The following ABCB1 variants were observed in gnomAD, a reference collection of about 807,000 sequenced individuals.
The protein encoded by ABCB1 is ATP binding cassette subfamily B member 1.
A neutral mutation model predicts 142.0 loss-of-function variants in ABCB1; 69 were observed. That is an observed-to-expected ratio of 0.49 (90% CI 0.40 to 0.59). ABCB1 has a LOEUF of 0.59. Ranked by LOEUF, ABCB1 falls within the 20% of genes least tolerant of loss-of-function variation. The pLI, the probability that ABCB1 is intolerant of heterozygous loss-of-function variation, is 0.00. For synonymous variants in ABCB1, 532 were observed against 539.2 expected (o/e 0.99, Z 0.18); for missense variants, 1,326 against 1,554.7 (o/e 0.85, Z 2.47).
chr7:87,638,671 A>G (rs1822091992), intron 1 of ABCB1, among the ~76,000 whole-genome samples: 1 of 151,722 alleles, frequency 6.6e-6, no homozygotes, highest in South Asian at 2.1e-4. Flanking sequence ...TATTGTTTGA[A>G]AGATCTGTAG....
chr7:87,530,838 C>CAAGAAAGAAAGAAAGAAAGA lies in ABCB1; in HGVS notation c.2685+436_2685+455dup, dbSNP rs1217650542. 4.6e-3 allele frequency among the ~76,000 whole-genome samples: 328 copies of CAAGAAAGAAAGAAAGAAAGA among 71,244 alleles called. 1 individual carries two copies. The highest frequency in any genetic ancestry group is 0.013 in the Middle Eastern group (2 of 160). 46.7% of individuals were successfully genotyped at this position (71,244 alleles called of 152,430 possible). On this transcript the variant is annotated intron_variant, in intron 21 of 27. Transcript: ENST00000622132. ...GCAAGAAAGCAAGAAAGCAAGAAAGCAAGAAAGAAAGAAAGAAAGAAAGAA... is the reference window on the plus strand; with the variant it reads ...GCAAGAAAGCAAGAAAGCAAGAAAGCAAGAAAGAAAGAAAGAAAGAAAGAAAGAAAGAAAGAAAGAAAGAA...
chr7:87,534,074 GACC>G (rs1443445112), intron 20 of ABCB1, among the ~76,000 whole-genome samples: 7 of 152,118 alleles, frequency 4.6e-5, no homozygotes, highest in Non-Finnish European at 1.0e-4. Context: ...GGGAAAAAGT[GACC>G]ACCAATTTTA....
chr7:87,661,257 AC>A (rs1824684995), intron 1 of ABCB1, among the ~76,000 whole-genome samples: 2 of 151,924 alleles, frequency 1.3e-5, no homozygotes, highest in African/African-American at 4.8e-5. Context: ...TTTTTGCATT[AC>A]AAACAATTCA....
chr7:87,607,922 T>C lies in ABCB1; in HGVS notation c.-330-6844A>G, dbSNP rs28381790. Among the ~76,000 whole-genome samples the C allele has an allele frequency of 8.6e-3, 1,304 of 152,300 alleles. 19 individuals are homozygous for C. The highest frequency in any genetic ancestry group is 0.03 in the African/African-American group (1,241 of 41,548). On this transcript the variant is annotated intron_variant, in intron 1 of 28. Coordinates refer to the ABCB1 transcript ENST00000265724. ...TATAAGGCAACTGTTTTGTTTTCAT[T>C]TTGTTTTTACAAACAGACTGAACTT...
At chr7:87,621,319 T>C (rs1340643309) in intron 1 of ABCB1, among the ~76,000 whole-genome samples, 2 of 152,094 alleles carry the variant, frequency 1.3e-5, no homozygotes, top group African/African-American at 4.8e-5. Flanking sequence ...GATAAATCAA[T>C]GGATGAAAAT....
intron 1 of ABCB1, among the ~76,000 whole-genome samples, chr7:87,663,002 G>A (rs556879781): frequency 2.0e-5 from 3 of 151,800 alleles, no homozygotes; most frequent in Admixed American, 1.3e-4. Flanking sequence ...TTTACTTATA[G>A]CAATTATAAA....
At chr7:87,689,975 G>T (rs1227923015) in intron 1 of ABCB1, among the ~76,000 whole-genome samples, 3 of 151,950 alleles carry the variant, frequency 2.0e-5, no homozygotes, top group African/African-American at 7.3e-5. Flanking sequence ...TTAAATAGCT[G>T]TCATAGATTT....
chr7:87,703,940 T>TTTTG (rs1829360784), intron 1 of ABCB1, among the ~76,000 whole-genome samples: 1 of 124,182 alleles, frequency 8.1e-6, no homozygotes, highest in Non-Finnish European at 1.7e-5. Flanking sequence ...TTTTTTTTTT[T>TTTTG]GAGACAGTCT....
At chr7:87,602,744 T>G (rs1463921656), upstream of ABCB1, among the ~76,000 whole-genome samples, 1 of 152,198 alleles carries the variant, frequency 6.6e-6, no homozygotes, top group East Asian at 1.9e-4. Flanking sequence ...AAAATAAGAT[T>G]CTACCATTCT....
intron 1 of ABCB1, among the ~76,000 whole-genome samples, chr7:87,696,014 T>C (rs1037015581): frequency 3.3e-5 from 5 of 152,174 alleles, no homozygotes; most frequent in African/African-American, 4.8e-5. Flanking sequence ...TAGCAAACTT[T>C]TCACCATTTG....
chr7:87,671,778 G>GACACTCTGAAA (rs1825846998), intron 1 of ABCB1, among the ~76,000 whole-genome samples: 1 of 152,186 alleles, frequency 6.6e-6, no homozygotes, highest in Admixed American at 6.5e-5. Context: ...GTCCACTTCA[G>GACACTCTGAAA]CCCCCGGTTG....
At chr7:87,603,803 G>A (rs115335154), upstream of ABCB1, among the ~76,000 whole-genome samples, 688 of 152,294 alleles carry the variant, frequency 4.5e-3, 5 homozygotes, top group African/African-American at 0.015. Flanking sequence ...ATTATGCATA[G>A]GTTTGAACGG....
At chr7:87,678,835 G>T (rs1030698631) in intron 1 of ABCB1, among the ~76,000 whole-genome samples, 1 of 152,076 alleles carries the variant, frequency 6.6e-6, no homozygotes, top group African/African-American at 2.4e-5. Flanking sequence ...GATAAAGTTG[G>T]ACATTTACAT....
At chr7:87,564,783 TG>T (rs1817719535) in intron 7 of ABCB1, among the ~76,000 whole-genome samples, 1 of 152,248 alleles carries the variant, frequency 6.6e-6, no homozygotes, top group Non-Finnish European at 1.5e-5. Flanking sequence ...ATAAATGGCA[TG>T]TGAAGCAATG....
chr7:87,520,199 C>T (rs1815434424), intron 22 of ABCB1, among the ~76,000 whole-genome samples: 1 of 150,944 alleles, frequency 6.6e-6, no homozygotes, highest in Non-Finnish European at 1.5e-5. Flanking sequence ...TTTTTTTAGA[C>T]AAAAAGGCTC....
intron 7 of ABCB1, among the ~76,000 whole-genome samples, chr7:87,564,919 TTCTAGTA>T (rs1817726467): frequency 6.6e-6 from 1 of 152,220 alleles, no homozygotes; most frequent in Admixed American, 6.5e-5. Context: ...TTGCTTAACA[TTCTAGTA>T]TACAGAAAAA....
chr7:87,564,905 TA>T (rs1817725802), intron 7 of ABCB1, among the ~76,000 whole-genome samples: 1 of 152,240 alleles, frequency 6.6e-6, no homozygotes, highest in East Asian at 1.9e-4. Flanking sequence ...GTTTGCCACC[TA>T]ACTTGCTTAA....
chr7:87,508,301 T>C (rs751639563), intron 26 of ABCB1, among the ~76,000 whole-genome samples: 2 of 152,198 alleles, frequency 1.3e-5, no homozygotes, highest in African/African-American at 4.8e-5. Context: ...CAAAACACAG[T>C]CAAAACTTTG....
chr7:87,570,049 T>C lies in ABCB1; in HGVS notation c.338+123A>G, dbSNP rs2235018. The C allele has an allele frequency of 0.015, 13,286 of 882,754 alleles. 1,055 individuals are homozygous for C. The East Asian group carries it at 0.21, about 14-fold the overall frequency. The allele number at this position is 882,754 out of a possible 1,614,324, so 54.7% of individuals were successfully genotyped here. On this transcript the variant is annotated intron_variant, in intron 5 of 27. Transcript: ENST00000622132. ...CTTAAAAAGTCTACATATACTCTTC[T>C]AAAAACTATCAAGAGTATTGTTCTC... is the stretch of plus-strand genomic sequence containing the variant.
Sources: allele counts gnomAD v4.1 joint callset (sites outside exome capture counted in the v4.1 genomes callset), GRCh38; gene constraint gnomAD v4.1.1; transcripts MANE v1.5; gene names NCBI Gene and HGNC (gene_info 2026-07-23, HGNC 2026-07-21).